ZNF610: variants seen among roughly 807,000 people sequenced by gnomAD.
ZNF610 encodes zinc finger protein 610.
In ZNF610, 14 loss-of-function variants were observed where a neutral mutation model predicts 14.1. That is an observed-to-expected ratio of 0.99 (90% CI 0.65 to 1.55). The LOEUF (loss-of-function observed/expected upper bound fraction) is 1.55, where lower values mean the gene tolerates loss of function less well. Among genes scored for constraint, ZNF610 ranks in the 40% most tolerant of loss-of-function variants. ZNF610 has a pLI of 0.00. For synonymous variants in ZNF610, 185 were observed against 187.6 expected, an observed-to-expected ratio of 0.99 and a Z score of 0.11; for missense variants, 530 against 558.0, an observed-to-expected ratio of 0.95 and a Z score of 0.51.
At position 52,366,259 on chromosome 19, in the gene ZNF610, G is replaced by T; in HGVS notation, c.881G>T (p.Gly294Val). 6.2e-7 allele frequency: 1 copy of T among 1,613,244 alleles called. No individual in the cohort carries two copies. The highest frequency in any genetic ancestry group is 2.2e-5 in the East Asian group (1 of 44,848). ...GEKPHKCNEC[G>V]KAFRECSGLT... Reference sequence around the variant, plus strand: ...AAGCCTCACAAATGTAACGAATGTGGCAAAGCTTTTAGAGAGTGTTCGGGA... The same window carrying T: ...AAGCCTCACAAATGTAACGAATGTGTCAAAGCTTTTAGAGAGTGTTCGGGA... The change falls in exon 6 of 6, where the codon GGC becomes GTC. Residue 294 changes from glycine to valine, a missense_variant. By Grantham distance (109) the Gly-to-Val change is moderately radical. Coordinates refer to ENST00000403906, the MANE Select transcript of ZNF610 (RefSeq NM_001161425.2).
intron 1 of ZNF610, among the ~76,000 whole-genome samples, chr19:52,341,436 A>C (rs1412979272): frequency 6.6e-6 from 1 of 151,710 alleles, no homozygotes; most frequent in East Asian, 1.9e-4. Context: ...CAGCCTCCTG[A>C]GTAGCTGGGA....
At chr19:52,343,046 C>G (rs969570604) in intron 1 of ZNF610, among the ~76,000 whole-genome samples, 4 of 151,958 alleles carry the variant, frequency 2.6e-5, no homozygotes, top group African/African-American at 9.7e-5. Flanking sequence ...CACTCGTGTT[C>G]TGGACATCTC....
At chr19:52,358,136 T>C (rs957313090) in intron 5 of ZNF610, among the ~76,000 whole-genome samples, 6 of 152,220 alleles carry the variant, frequency 3.9e-5, no homozygotes, top group African/African-American at 1.4e-4. Flanking sequence ...TCATCCATTT[T>C]GTAGCATATA....
Position 52,366,297 on chromosome 19 carries a change from CT to C in ZNF610, c.921del (p.Val308Ter), listed in dbSNP as rs776112039. On this transcript the variant is annotated frameshift_variant, in exon 6 of 6. Transcript: ENST00000403906. LOFTEE classifies it low-confidence loss of function (END_TRUNC). ...AGAGTGTTCGGGACTTACTACCCATCTTGTAATCCATACTGGAGAGAAACCT... is the reference window on the plus strand; with the variant it reads ...AGAGTGTTCGGGACTTACTACCCATCTGTAATCCATACTGGAGAGAAACCT... ...FRECSGLTTH[L>X]VIHTGEKPYK... 12 of 1,613,328 alleles carry C rather than the reference CT, an allele frequency of 7.4e-6. No individual in the cohort carries two copies. In the Admixed American group the frequency reaches 1.8e-4, roughly 25 times the overall value.
At chr19:52,345,955 T>G (rs534818730) in intron 1 of ZNF610, among the ~76,000 whole-genome samples, 11 of 149,562 alleles carry the variant, frequency 7.4e-5, no homozygotes, top group Admixed American at 7.3e-4. Context: ...CCACCCGCCT[T>G]GACCTCCCAA....
At chr19:52,346,765 C>G (rs1038217733) in intron 1 of ZNF610, among the ~76,000 whole-genome samples, 7 of 152,130 alleles carry the variant, frequency 4.6e-5, no homozygotes, top group African/African-American at 1.7e-4. Context: ...GAGTCTCGCT[C>G]TGTCACCAGG....
chr19:52,366,300 G>A lies in ZNF610; in HGVS notation c.922G>A (p.Val308Ile), dbSNP rs779703896. The change falls in exon 6 of 6, where the codon GTA (valine) becomes ATA (isoleucine). Residue 308 changes from valine (V) to isoleucine (I), a missense_variant. Physicochemically the swap from Val to Ile is conservative, Grantham distance 29 (BLOSUM62 3). Coordinates refer to ENST00000403906, the MANE Select transcript of ZNF610 (RefSeq NM_001161425.2). ...GTGTTCGGGACTTACTACCCATCTT[G>A]TAATCCATACTGGAGAGAAACCTTA... ...RECSGLTTHL[V>I]IHTGEKPYKC... The A allele has an allele frequency of 6.8e-6, 11 of 1,613,138 alleles. No homozygotes were observed. Among genetic ancestry groups the A allele is most frequent in the East Asian group, 2.2e-5 (1 of 44,858 alleles).
chr19:52,349,958 C>A (rs550564039), intron 3 of ZNF610, among the ~76,000 whole-genome samples: 1 of 152,284 alleles, frequency 6.6e-6, no homozygotes, highest in African/African-American at 2.4e-5. Flanking sequence ...ATTTTTACTA[C>A]ATTTGAAGCT....
intron 5 of ZNF610, among the ~76,000 whole-genome samples, chr19:52,365,473 A>C (rs938496236): frequency 4.6e-5 from 7 of 152,068 alleles, no homozygotes; most frequent in African/African-American, 7.2e-5. Flanking sequence ...TTCTGCCCTT[A>C]ATCTTTCTCA....
chr19:52,331,406 C>A (rs1984209815), upstream of ZNF610, among the ~76,000 whole-genome samples: 2 of 152,176 alleles, frequency 1.3e-5, no homozygotes, highest in South Asian at 4.1e-4. Flanking sequence ...GTCTGAGAAT[C>A]TGTTAGAGCC....
intron 5 of ZNF610, among the ~76,000 whole-genome samples, chr19:52,357,613 C>T (rs1314774464): frequency 7.5e-6 from 1 of 133,968 alleles, no homozygotes; most frequent in Non-Finnish European, 1.5e-5. Context: ...CCACTGCACT[C>T]CAGCCTGGGA....
chr19:52,358,785 T>G (rs1449228702), intron 5 of ZNF610, among the ~76,000 whole-genome samples: 3 of 152,182 alleles, frequency 2.0e-5, no homozygotes, highest in Non-Finnish European at 4.4e-5. Context: ...TGGTTTTAGG[T>G]CTTAGTTTTA....
Position 52,354,335 on chromosome 19 carries a change from TAAA to T in ZNF610, c.279_281del (p.Lys93del). The T allele has an allele frequency of 6.2e-7, 1 of 1,614,074 alleles. No individual in the cohort carries two copies. The highest frequency in any genetic ancestry group is 8.5e-7 in the Non-Finnish European group (1 of 1,180,004). ...ATTCTGCAAAGTCAAGTTAAAATAG[TAAA>T]AAATACAGATGGAAGGGAATGTGTC... is the stretch of plus-strand genomic sequence containing the variant. On this transcript the variant is annotated inframe_deletion, in exon 5 of 6. Coordinates refer to ENST00000403906, the MANE Select transcript of ZNF610 (RefSeq NM_001161425.2).
intron 3 of ZNF610, 142 bp downstream of exon 3, chr19:52,349,377 AG>A: frequency 7.4e-7 from 1 of 1,352,900 alleles, no homozygotes; most frequent in South Asian, 1.2e-5. Flanking sequence ...CTCGTGACCC[AG>A]TGACATGAAT....
chr19:52,349,925 G>A (rs1985169805), intron 3 of ZNF610, among the ~76,000 whole-genome samples: 2 of 152,172 alleles, frequency 1.3e-5, no homozygotes, highest in South Asian at 4.1e-4. Context: ...AGGAGTTCAG[G>A]AAGGAGAAAT....
intron 5 of ZNF610, among the ~76,000 whole-genome samples, chr19:52,363,797 C>T (rs1985898437): frequency 6.6e-6 from 1 of 152,064 alleles, no homozygotes; most frequent in Admixed American, 6.6e-5. Flanking sequence ...TAGTTGGATC[C>T]TGTTTTGTTC....
At chr19:52,362,418 A>G (rs771111294) in intron 5 of ZNF610, among the ~76,000 whole-genome samples, 6 of 152,226 alleles carry the variant, frequency 3.9e-5, no homozygotes, top group Non-Finnish European at 8.8e-5. Context: ...TCAAAAATAA[A>G]TAAATACATA....
intron 3 of ZNF610, among the ~76,000 whole-genome samples, chr19:52,351,488 C>G (rs1221579176): frequency 6.6e-6 from 1 of 151,702 alleles, no homozygotes; most frequent in African/African-American, 2.4e-5. Flanking sequence ...TCAGTCACCT[C>G]TCTTTTTTTT....
chr19:52,348,759 T>A (rs949604353), intron 2 of ZNF610, among the ~76,000 whole-genome samples: 9 of 152,172 alleles, frequency 5.9e-5, no homozygotes, highest in Admixed American at 1.3e-4. Context: ...CAGTGTGTTC[T>A]GTCTCTGGCG....
Sources: allele counts gnomAD v4.1 joint callset (sites outside exome capture counted in the v4.1 genomes callset), GRCh38; gene constraint gnomAD v4.1.1; transcripts MANE v1.5; gene names NCBI Gene and HGNC (gene_info 2026-07-23, HGNC 2026-07-21).